NPAS3: variants seen among roughly 807,000 people sequenced by gnomAD.
NPAS3 encodes the protein neuronal PAS domain-containing protein 3.
NPAS3 carries 14 observed loss-of-function variants against 73.1 expected under a neutral mutation model. The observed-to-expected ratio is 0.19, with a 90% CI of 0.13 to 0.30. The LOEUF (loss-of-function observed/expected upper bound fraction) is 0.30. Among genes scored for constraint, NPAS3 ranks in the 10% least tolerant of loss-of-function variants. The pLI is 1.00. For synonymous variants in NPAS3, 620 were observed against 541.5 expected, an observed-to-expected ratio of 1.14 and a Z score of -2.01; for missense variants, 1,096 against 1,250.0, an observed-to-expected ratio of 0.88 and a Z score of 1.86.
At chr14:33,364,258 T>C (rs2045735062) in intron 3 of NPAS3, among the ~76,000 whole-genome samples, 1 of 152,204 alleles carries the variant, frequency 6.6e-6, no homozygotes, top group African/African-American at 2.4e-5. Flanking sequence ...ATAATAAGAT[T>C]AACACGGAGA....
chr14:32,980,576 A>G (rs925668764), intron 1 of NPAS3, among the ~76,000 whole-genome samples: 1 of 152,192 alleles, frequency 6.6e-6, no homozygotes, highest in African/African-American at 2.4e-5. Context: ...ATTATACTTT[A>G]CTTATGTTTT....
At chr14:33,687,114 G>A (rs1243625556) in intron 6 of NPAS3, among the ~76,000 whole-genome samples, 1 of 152,206 alleles carries the variant, frequency 6.6e-6, no homozygotes, top group Non-Finnish European at 1.5e-5. Context: ...AAATATGCCT[G>A]TGGTCAGTCT....
chr14:33,613,832 C>T (rs2057829384), intron 5 of NPAS3, among the ~76,000 whole-genome samples: 1 of 152,318 alleles, frequency 6.6e-6, no homozygotes, highest in South Asian at 2.1e-4. Context: ...ACAAGTCTCT[C>T]TTATGAAGCT....
At position 33,307,582 on chromosome 14, in the gene NPAS3, G is replaced by A. The variant is rs78041026; in HGVS notation, c.386-59604G>A. Among the ~76,000 whole-genome samples, 46 of 40,730 alleles carry A rather than the reference G, an allele frequency of 1.1e-3. No homozygotes were observed. The East Asian group carries it at 0.016, about 14-fold the overall frequency. 26.7% of individuals were successfully genotyped at this position (40,730 alleles called of 152,430 possible). A position where few individuals can be genotyped will look rare whatever the true frequency, so the allele number is the denominator to read the frequency against. On this transcript the variant is annotated intron_variant, in intron 3 of 11. Transcript: ENST00000356141. ...ACTGTAACGTTTTTCACCTCACCAGGTTTTTTTTCAATGTGTGTGTGTGTG... is the reference window on the plus strand; with the variant it reads ...ACTGTAACGTTTTTCACCTCACCAGATTTTTTTTCAATGTGTGTGTGTGTG...
At chr14:33,240,833 T>G (rs2048191524) in intron 3 of NPAS3, among the ~76,000 whole-genome samples, 1 of 151,966 alleles carries the variant, frequency 6.6e-6, no homozygotes, top group South Asian at 2.1e-4. Flanking sequence ...AGCTGCCATT[T>G]TAAAAGTTTT....
chr14:33,397,264 C>T (rs1024059698), intron 4 of NPAS3, among the ~76,000 whole-genome samples: 6 of 152,158 alleles, frequency 3.9e-5, no homozygotes, highest in South Asian at 2.1e-4. Context: ...TGAGTTTCCA[C>T]TAATAACTTG....
intron 4 of NPAS3, among the ~76,000 whole-genome samples, chr14:33,467,086 T>C (rs1594961937): frequency 6.6e-6 from 1 of 152,242 alleles, no homozygotes; most frequent in East Asian, 1.9e-4. Flanking sequence ...TGTTACTTGG[T>C]TGGAATTACC....
chr14:33,790,298 T>C (rs1049891738), intron 9 of NPAS3, among the ~76,000 whole-genome samples: 1 of 152,366 alleles, frequency 6.6e-6, no homozygotes. Flanking sequence ...CTTATTCAAA[T>C]ATTCTCTCCT....
chr14:33,376,602 C>A (rs2046321955), intron 4 of NPAS3, among the ~76,000 whole-genome samples: 1 of 152,140 alleles, frequency 6.6e-6, no homozygotes, highest in Admixed American at 6.6e-5. Flanking sequence ...AGAGCCAGGG[C>A]CTTGTCTCAG....
chr14:33,114,160 C>A (rs141794487), intron 2 of NPAS3, among the ~76,000 whole-genome samples: 6 of 151,912 alleles, frequency 3.9e-5, no homozygotes, highest in African/African-American at 1.5e-4. Flanking sequence ...CTCAGCCTCC[C>A]GAGTAACTGG....
chr14:33,789,444 G>T (rs2063280992), intron 9 of NPAS3, among the ~76,000 whole-genome samples: 1 of 152,100 alleles, frequency 6.6e-6, no homozygotes, highest in African/African-American at 2.4e-5. Flanking sequence ...AGTTACGTCT[G>T]GGACCTTTCA....
At chr14:33,162,201 T>C (rs1341786118) in intron 2 of NPAS3, among the ~76,000 whole-genome samples, 1 of 152,226 alleles carries the variant, frequency 6.6e-6, no homozygotes, top group Non-Finnish European at 1.5e-5. Context: ...AAACTTTTCA[T>C]TACAGAAATT....
intron 3 of NPAS3, among the ~76,000 whole-genome samples, chr14:33,308,527 T>TATATATATATATACACAC: frequency 0.012 from 1,230 of 103,532 alleles, 32 homozygotes; most frequent in Non-Finnish European, 0.013. Context: ...TATATATATA[T>TATATATATATATACACAC]ACATACACAC....
At chr14:33,616,712 C>T (rs2057930473) in intron 5 of NPAS3, among the ~76,000 whole-genome samples, 1 of 152,164 alleles carries the variant, frequency 6.6e-6, no homozygotes, top group South Asian at 2.1e-4. Context: ...AGAAATGTGA[C>T]ATGATTTGCA....
intron 6 of NPAS3, among the ~76,000 whole-genome samples, chr14:33,679,889 T>C (rs1344653799): frequency 6.6e-6 from 1 of 152,222 alleles, no homozygotes; most frequent in Non-Finnish European, 1.5e-5. Flanking sequence ...ATATTTTATA[T>C]GTATGCACAT....
At chr14:33,634,577 A>G (rs935721443) in intron 5 of NPAS3, among the ~76,000 whole-genome samples, 1 of 152,182 alleles carries the variant, frequency 6.6e-6, no homozygotes, top group Non-Finnish European at 1.5e-5. Flanking sequence ...CACCAGGAGT[A>G]GTATATAAAT....
At chr14:33,392,362 TC>T (rs1467540945) in intron 4 of NPAS3, among the ~76,000 whole-genome samples, 1 of 152,130 alleles carries the variant, frequency 6.6e-6, no homozygotes, top group Non-Finnish European at 1.5e-5. Flanking sequence ...CTATTAGTAT[TC>T]CTACTTTATA....
chr14:33,519,616 A>G (rs560110331), intron 4 of NPAS3, among the ~76,000 whole-genome samples: 2 of 152,260 alleles, frequency 1.3e-5, no homozygotes, highest in South Asian at 4.1e-4. Flanking sequence ...AGTGGAAATA[A>G]CAGTACAGAT....
chr14:33,636,650 G>A (rs1039065063), intron 5 of NPAS3, among the ~76,000 whole-genome samples: 4 of 152,110 alleles, frequency 2.6e-5, no homozygotes, highest in African/African-American at 9.7e-5. Context: ...AAAGCATGGA[G>A]GTTTTGACCA....
Sources: allele counts gnomAD v4.1 joint callset (sites outside exome capture counted in the v4.1 genomes callset), GRCh38; gene constraint gnomAD v4.1.1; transcripts MANE v1.5; gene names NCBI Gene and HGNC (gene_info 2026-07-23, HGNC 2026-07-21).